The following PHF23 variants were observed in gnomAD, a reference collection of about 807,000 sequenced individuals.
PHF23 encodes the protein PHD finger protein 23, also known as PDH-containing protein JUNE-1.
A neutral mutation model predicts 36.0 loss-of-function variants in PHF23; 3 were observed. The ratio of observed to expected loss-of-function variants is 0.08; its 90% CI spans 0.04 to 0.22. The LOEUF (loss-of-function observed/expected upper bound fraction) is 0.22, where lower values mean the gene tolerates loss of function less well. PHF23 is among the 10% of genes least tolerant of loss of function. The pLI is 1.00. For missense variants in PHF23, 475 were observed against 513.6 expected, an observed-to-expected ratio of 0.92 and a Z score of 0.73; for synonymous variants, 242 against 192.5, an observed-to-expected ratio of 1.26 and a Z score of -2.13.
At chr17:7,237,956 T>C in intron 1 of PHF23, 1 of 349,780 alleles carries the variant, frequency 2.9e-6, no homozygotes, top group Non-Finnish European at 4.9e-6. Context: ...CTCGGATCCC[T>C]CAGCGCCCCA....
rs1312499288 is a variant in PHF23 at position 7,236,439 on chromosome 17, G to A, written c.488C>T (p.Ala163Val). 6.2e-7 allele frequency: 1 copy of A among 1,613,642 alleles called. No individual in the cohort carries two copies. Among genetic ancestry groups the A allele is most frequent in the African/African-American group, 1.3e-5 (1 of 75,032 alleles). ...CTGGGAAAGGGGCACGGGGGTAAGA[G>A]CAGCAGGGGGCCGGGAGGTATGTGT... ...SLTHTSRPPA[A>V]LTPVPLSQGD... is the part of the protein sequence containing the mutation. Residue 163 changes from alanine to valine, a missense_variant, in exon 4 of 5, where the codon GCT (alanine) becomes GTT (valine). Transcript: ENST00000320316. The surrounding 1 kb of genome is among the most constrained non-coding windows in gnomAD (Gnocchi z 5.1).
chr17:7,240,625 G>A, upstream of PHF23: 1 of 516,612 alleles, frequency 1.9e-6, no homozygotes, highest in Non-Finnish European at 3.5e-6. Flanking sequence ...ACAGCAGGAT[G>A]GGAAAGGCGG....
At chr17:7,239,143 C>T in intron 1 of PHF23, 103 bp downstream of exon 1, 1 of 1,032,304 alleles carries the variant, frequency 9.7e-7, no homozygotes, top group Non-Finnish European at 1.4e-6. Context: ...GACCCCCTCC[C>T]CGAACTCCCC....
chr17:7,240,560 G>A, upstream of PHF23: 2 of 320,224 alleles, frequency 6.2e-6, no homozygotes, highest in Middle Eastern at 9.3e-4. Context: ...GTCAGAAAGG[G>A]AACAGAAACC....
At position 7,237,890 on chromosome 17, in the gene PHF23, A is replaced by G. The variant is rs2071706037; in HGVS notation, c.35-230T>C. 1.1e-5 allele frequency: 6 copies of G among 542,862 alleles called. 1 individual carries two copies. Among genetic ancestry groups the G allele is most frequent in the East Asian group, 3.2e-5 (1 of 31,344 alleles). The allele number at this position is 542,862 out of a possible 1,614,324, so 33.6% of individuals were successfully genotyped here. ...TCGCTATAGCGCTCCCCTTCCCCCA[A>G]CCGGAGGCCCGGCGCCCCGCCCCCC... On this transcript the variant is annotated intron_variant, in intron 1 of 4. Transcript: ENST00000320316.
chr17:7,238,832 T>C (rs1401405190), intron 1 of PHF23: 3 of 1,532,800 alleles, frequency 2.0e-6, no homozygotes, highest in South Asian at 1.2e-5. Context: ...TACTCGGAGC[T>C]CCGGTACCAC....
chr17:7,235,961 C>A lies in PHF23; in HGVS notation c.966G>T (p.Arg322=). Residue 322 remains arginine (R), a synonymous_variant, in exon 4 of 5, where the codon CGG becomes CGT. Transcript: ENST00000320316. ...GDASSSEGEM[R]VMDEDIMVES... ...CTACCATGATGTCCTCGTCCATGAC[C>A]CGCATCTCGCCTTCACTGGAGCTGG... The A allele has an allele frequency of 6.2e-7, 1 of 1,612,426 alleles. No homozygotes were observed. Among genetic ancestry groups the A allele is most frequent in the Non-Finnish European group, 8.5e-7 (1 of 1,178,874 alleles).
In PHF23 at chr17:7,236,191, C is replaced by G; in HGVS notation, c.736G>C (p.Asp246His). Residue 246 changes from aspartate to histidine, a missense_variant, in exon 4 of 5, where the codon GAC becomes CAC. Asp to His is a moderately conservative substitution (Grantham distance 81). This residue lies in a region of PHF23 where 350 missense variants were observed against 319.8 expected (regional missense o/e 1.09). Coordinates refer to ENST00000320316, the MANE Select transcript of PHF23 (RefSeq NM_024297.3). This position sits in a 1 kb window ranked among gnomAD's most constrained non-coding sequence, Gnocchi z 5.1. The stretch of plus-strand genomic sequence containing the variant: ...TCCTCTTCCTCCTCCTCTTCAGAGT[C>G]TGTATCACTGGGGGGTGCCTGGGGA... Reference protein sequence around the residue: ...GPPQAPPSDTDSEEEEEEEEE... With the variant: ...GPPQAPPSDTHSEEEEEEEEE... The G allele has an allele frequency of 6.2e-7, 1 of 1,612,618 alleles. No homozygotes were observed. The highest frequency in any genetic ancestry group is 1.3e-5 in the African/African-American group (1 of 75,018).
Position 7,235,461 on chromosome 17 carries a change from G to A in PHF23, c.*165C>T, listed in dbSNP as rs543463249. 233 of 702,816 alleles carry A rather than the reference G, an allele frequency of 3.3e-4. 2 individuals carry two copies. The highest frequency in any genetic ancestry group is 2.3e-3 in the South Asian group (130 of 56,296). 43.5% of individuals were successfully genotyped at this position (702,816 alleles called of 1,614,324 possible). On this transcript the variant is annotated 3_prime_UTR_variant, in exon 5 of 5. Coordinates refer to ENST00000320316, the MANE Select transcript of PHF23 (RefSeq NM_024297.3). ...TCAAGTCCACAGAGTGGGGAGGAAGGATAGGGTGGGAAAGTGAGACACTCA... is the reference window on the plus strand; with the variant it reads ...TCAAGTCCACAGAGTGGGGAGGAAGAATAGGGTGGGAAAGTGAGACACTCA...
At chr17:7,239,545 T>C (rs1470082588), upstream of PHF23, 2 of 290,384 alleles carry the variant, frequency 6.9e-6, no homozygotes, top group Non-Finnish European at 6.6e-6. Context: ...TCCCTCCTCT[T>C]CTCTCCCTCC....
chr17:7,240,658 G>C (rs183441341), upstream of PHF23: 18 of 563,592 alleles, frequency 3.2e-5, no homozygotes, highest in Non-Finnish European at 5.1e-5. Context: ...GAAGAAAGGA[G>C]AAAGGAGAGT....
Position 7,236,390 on chromosome 17 carries a change from T to C in PHF23, c.537A>G (p.Arg179=). The C allele has an allele frequency of 6.2e-7, 1 of 1,613,892 alleles. No homozygotes were observed. The highest frequency in any genetic ancestry group is 8.5e-7 in the Non-Finnish European group (1 of 1,179,998). ...ACTTTCGGTTCTTTCGGTCCTTCTT[T>C]CGAGGAGGATGGGAGAGGTCCCCCT... ...LSQGDLSHPP[R]KKDRKNRKLG... Residue 179 remains arginine (R), a synonymous_variant, in exon 4 of 5, where the codon CGA becomes CGG. Coordinates refer to ENST00000320316, the MANE Select transcript of PHF23 (RefSeq NM_024297.3). This position sits in a 1 kb window ranked among gnomAD's most constrained non-coding sequence, Gnocchi z 5.1.
intron 1 of PHF23, 118 bp from the exon 2 acceptor site, chr17:7,237,778 A>G: frequency 1.7e-6 from 2 of 1,211,396 alleles, no homozygotes; most frequent in South Asian, 1.3e-5. Flanking sequence ...CTGCCAGGCC[A>G]GCAGGCCCCC....
In PHF23 at chr17:7,236,723, T is replaced by C; in HGVS notation, c.204A>G (p.Gly68=). 1 of 1,613,808 alleles carries C rather than the reference T, an allele frequency of 6.2e-7. No homozygotes were observed. ...AGCCATCACTGTCGGCCGCACTCTC[T>C]CCTCGCAATGGAGAGCTGGAGCCAG... ...PASGSSSPLR[G]ESAADSDGWD... The change falls in exon 4 of 5, where the codon GGA becomes GGG. Residue 68 remains glycine (G), a synonymous_variant. Transcript: ENST00000320316. The surrounding 1 kb of genome is among the most constrained non-coding windows in gnomAD (Gnocchi z 5.1).
chr17:7,235,401 A>T lies in PHF23; in HGVS notation c.*225T>A. On this transcript the variant is annotated 3_prime_UTR_variant, in exon 5 of 5. Coordinates refer to ENST00000320316, the MANE Select transcript of PHF23 (RefSeq NM_024297.3). Reference sequence around the variant, plus strand: ...ACAGAGATTATGTGTCGGGACACAGACAGCCTCCCATCCCCAACCGTAATG... The same window carrying T: ...ACAGAGATTATGTGTCGGGACACAGTCAGCCTCCCATCCCCAACCGTAATG... The T allele has an allele frequency of 1.8e-6, 1 of 565,576 alleles. No individual in the cohort carries two copies. The highest frequency in any genetic ancestry group is 2.0e-5 in the South Asian group (1 of 49,290). 35.0% of individuals were successfully genotyped at this position (565,576 alleles called of 1,614,324 possible). A position where few individuals can be genotyped will look rare whatever the true frequency, so the allele number is the denominator to read the frequency against.
At chr17:7,239,509 T>C, upstream of PHF23, 1 of 425,122 alleles carries the variant, frequency 2.4e-6, no homozygotes, top group Non-Finnish European at 4.3e-6. Context: ...TCCCTCCTCC[T>C]CCTCCTCCAC....
rs2071689001 is a variant in PHF23 at position 7,237,328 on chromosome 17, C to T, written c.159+57G>A. 3.6e-6 allele frequency: 5 copies of T among 1,401,514 alleles called. No homozygotes were observed. In the East Asian group the frequency reaches 1.1e-4, roughly 32 times the overall value. 86.8% of individuals were successfully genotyped at this position (1,401,514 alleles called of 1,614,324 possible). Reference sequence around the variant, plus strand: ...AAGCAATACAGTTCTGTTTGAACAACAGTCACTCTATAGTCCCACCACACC... The same window carrying T: ...AAGCAATACAGTTCTGTTTGAACAATAGTCACTCTATAGTCCCACCACACC... On this transcript the variant is annotated intron_variant, in intron 3 of 4. Coordinates refer to ENST00000320316, the MANE Select transcript of PHF23 (RefSeq NM_024297.3).
In PHF23 at chr17:7,236,686, G is replaced by A; in HGVS notation, c.241C>T (p.Pro81Ser). The A allele has an allele frequency of 6.2e-7, 1 of 1,614,016 alleles. No individual in the cohort carries two copies. Among genetic ancestry groups the A allele is most frequent in the Non-Finnish European group, 8.5e-7 (1 of 1,180,014 alleles). Residue 81 changes from proline (P) to serine (S), a missense_variant, in exon 4 of 5, where the codon CCC becomes TCC. By Grantham distance (74) the Pro-to-Ser change is moderately conservative. Around this residue, in one of 5 missense-constraint regions of PHF23, gnomAD observed 350 missense variants for 319.8 expected, o/e 1.09. Transcript: ENST00000320316. The surrounding 1 kb of genome is among the most constrained non-coding windows in gnomAD (Gnocchi z 5.1). Reference sequence around the variant, plus strand: ...GTCTGGATGGTTCGAAGATCTGAGGGGGCCGAGTCCCAGCCATCACTGTCG... The same window carrying A: ...GTCTGGATGGTTCGAAGATCTGAGGAGGCCGAGTCCCAGCCATCACTGTCG... ...AADSDGWDSA[P>S]SDLRTIQTFV...
At position 7,235,191 on chromosome 17, in the gene PHF23, T is replaced by C. The variant is rs1243576138; in HGVS notation, c.*435A>G. ...CTAGTACTCCACCTTTGAGCTGCCA[T>C]GCCCAATAGGGGAAGTCCAAAATTA... On this transcript the variant is annotated 3_prime_UTR_variant, in exon 5 of 5. Coordinates refer to ENST00000320316, the MANE Select transcript of PHF23 (RefSeq NM_024297.3). The C allele has an allele frequency of 1.4e-5, 3 of 219,978 alleles. No individual in the cohort carries two copies. The highest frequency in any genetic ancestry group is 1.3e-4 in the South Asian group (2 of 15,792). The allele number at this position is 219,978 out of a possible 1,614,324, so 13.6% of individuals were successfully genotyped here.
Sources: gnomAD v4.1 joint callset for allele counts on GRCh38, gnomAD v4.1.1 for gene constraint, gnomAD v4.1.1 regional missense constraint, Gnocchi (gnomAD v3.1) non-coding constraint, MANE v1.5 for transcripts, NCBI Gene and HGNC (gene_info 2026-07-23, HGNC 2026-07-21) for gene names.